SDK1: variants seen among roughly 807,000 people sequenced by gnomAD.
SDK1 encodes sidekick cell adhesion molecule 1.
A neutral mutation model predicts 245.5 loss-of-function variants in SDK1; 157 were observed. The observed-to-expected ratio is 0.64, with a 90% CI of 0.56 to 0.73. The LOEUF is 0.73. Ranked by LOEUF, SDK1 falls within the 30% of genes least tolerant of loss-of-function variation. The pLI is 0.00. For synonymous variants in SDK1, 1,647 were observed against 1,278.5 expected, an observed-to-expected ratio of 1.29 and a Z score of -6.15; for missense variants, 3,583 against 3,002.3, an observed-to-expected ratio of 1.19 and a Z score of -4.52.
At chr7:4,166,985 C>T (rs776126048) in intron 32 of SDK1, among the ~76,000 whole-genome samples, 2 of 152,192 alleles carry the variant, frequency 1.3e-5, no homozygotes, top group Non-Finnish European at 2.9e-5. Flanking sequence ...GGCCTTCCCT[C>T]CACTCAACTC....
Position 4,012,226 on chromosome 7 carries a change from A to C in SDK1, c.2411A>C (p.Tyr804Ser). ...ETEHNGVLRGYILRYRLAGLP... is the reference protein window; with the variant it reads ...ETEHNGVLRGSILRYRLAGLP... ...GAGCACAACGGGGTGTTGCGTGGATACATCCTCAGGCAAGTGCCCTGTGAT... is the reference window on the plus strand; with the variant it reads ...GAGCACAACGGGGTGTTGCGTGGATCCATCCTCAGGCAAGTGCCCTGTGAT... Residue 804 changes from tyrosine (Y) to serine (S), a missense_variant, in exon 16 of 45, where the codon TAC becomes TCC. By Grantham distance (144) the Tyr-to-Ser change is moderately radical. Coordinates refer to ENST00000404826, the MANE Select transcript of SDK1 (RefSeq NM_152744.4). 1 of 1,516,978 alleles carries C rather than the reference A, an allele frequency of 6.6e-7. No individual in the cohort carries two copies. 94.0% of individuals were successfully genotyped at this position (1,516,978 alleles called of 1,614,324 possible).
chr7:4,179,580 A>G (rs558681543), intron 35 of SDK1, among the ~76,000 whole-genome samples: 1 of 152,240 alleles, frequency 6.6e-6, no homozygotes, highest in South Asian at 2.1e-4. Context: ...GGAGAGAGGC[A>G]TCAAGAGCAT....
At chr7:4,143,782 C>T (rs1057282048) in intron 28 of SDK1, among the ~76,000 whole-genome samples, 4 of 152,200 alleles carry the variant, frequency 2.6e-5, no homozygotes, top group Non-Finnish European at 4.4e-5. Context: ...GGCTCCAGCC[C>T]GACTCTCTCG....
rs1248656734 is a variant in SDK1 at position 3,813,560 on chromosome 7, C to T, written c.714-7890C>T. Among the ~76,000 whole-genome samples the T allele has an allele frequency of 7.3e-5, 11 of 150,404 alleles. No homozygotes were observed. In the South Asian group the frequency reaches 1.3e-3, roughly 17 times the overall value. ...AAGTCTTTGCTATTGTGAATAATGCCGCAGTAAACATACATGTGCATGTGT... is the reference window on the plus strand; with the variant it reads ...AAGTCTTTGCTATTGTGAATAATGCTGCAGTAAACATACATGTGCATGTGT... On this transcript the variant is annotated intron_variant, in intron 4 of 44. Transcript: ENST00000404826.
At chr7:3,442,042 G>A (rs1168374548) in intron 1 of SDK1, among the ~76,000 whole-genome samples, 1 of 152,120 alleles carries the variant, frequency 6.6e-6, no homozygotes, top group African/African-American at 2.4e-5. Context: ...ACCGTTACGT[G>A]TACTCACCTA....
chr7:3,474,502 G>T (rs923063478), intron 1 of SDK1, among the ~76,000 whole-genome samples: 2 of 151,998 alleles, frequency 1.3e-5, no homozygotes, highest in African/African-American at 4.8e-5. Flanking sequence ...CCCTTGACAT[G>T]TTCATTGTTC....
At chr7:3,458,925 C>G (rs142419819) in intron 1 of SDK1, among the ~76,000 whole-genome samples, 6 of 152,106 alleles carry the variant, frequency 3.9e-5, no homozygotes, top group Non-Finnish European at 7.4e-5. Flanking sequence ...ATTCATTGTT[C>G]AGGATTGTCT....
intron 17 of SDK1, among the ~76,000 whole-genome samples, chr7:4,018,915 G>T (rs1411655964): frequency 6.6e-6 from 1 of 152,198 alleles, no homozygotes; most frequent in East Asian, 1.9e-4. Context: ...GAATTGATGA[G>T]TGTCCTCTAG....
intron 29 of SDK1, among the ~76,000 whole-genome samples, chr7:4,148,943 C>A (rs909582916): frequency 1.4e-4 from 22 of 152,210 alleles, no homozygotes; most frequent in African/African-American, 5.3e-4. Flanking sequence ...GTAGTCCCAG[C>A]TACTCAGGAA....
intron 5 of SDK1, among the ~76,000 whole-genome samples, chr7:3,833,890 TC>T (rs1779971408): frequency 6.6e-6 from 1 of 152,224 alleles, no homozygotes; most frequent in Non-Finnish European, 1.5e-5. Context: ...TGGATCCTAT[TC>T]ACCTCTTCAG....
chr7:4,221,220 TTTC>T lies in SDK1; in HGVS notation c.5702-13_5702-11del, dbSNP rs1392682764. 5 of 1,611,938 alleles carry T rather than the reference TTTC, an allele frequency of 3.1e-6. No individual in the cohort carries two copies. The Middle Eastern group carries it at 6.6e-4, about 214-fold the overall frequency. ...CGCAGGGCTGATGCCTCACCTCTCT[TTTC>T]TTCTTTATCCCGCAGGATCCCCGGG... On this transcript the variant is annotated splice_polypyrimidine_tract_variant and intron_variant, in intron 39 of 44. Transcript: ENST00000404826.
intron 4 of SDK1, among the ~76,000 whole-genome samples, chr7:3,779,052 G>A (rs955747841): frequency 6.6e-6 from 1 of 152,114 alleles, no homozygotes; most frequent in Non-Finnish European, 1.5e-5. Context: ...ATTAACAAAG[G>A]CAGTATTAAA....
At chr7:3,809,116 C>T (rs1159969226) in intron 4 of SDK1, among the ~76,000 whole-genome samples, 1 of 152,074 alleles carries the variant, frequency 6.6e-6, no homozygotes, top group African/African-American at 2.4e-5. Flanking sequence ...GTGGCATCTG[C>T]ACCTGGGGAG....
chr7:3,607,981 A>G (rs796533054), intron 1 of SDK1, among the ~76,000 whole-genome samples: 1 of 152,244 alleles, frequency 6.6e-6, no homozygotes, highest in Non-Finnish European at 1.5e-5. Flanking sequence ...TCATTTCATC[A>G]GAATAGACCT....
At chr7:3,961,395 T>A (rs1156922082) in intron 8 of SDK1, among the ~76,000 whole-genome samples, 1 of 152,230 alleles carries the variant, frequency 6.6e-6, no homozygotes, top group Non-Finnish European at 1.5e-5. Flanking sequence ...TTAACTTTAT[T>A]TATTAAAGTC....
intron 1 of SDK1, among the ~76,000 whole-genome samples, chr7:3,516,900 G>A (rs1293291314): frequency 6.6e-6 from 1 of 152,146 alleles, no homozygotes; most frequent in African/African-American, 2.4e-5. Context: ...CTCATTTCAA[G>A]GGTATTAAGT....
intron 4 of SDK1, among the ~76,000 whole-genome samples, chr7:3,710,961 C>G (rs1250715043): frequency 6.6e-6 from 1 of 152,150 alleles, no homozygotes; most frequent in African/African-American, 2.4e-5. Flanking sequence ...TATTTGAAAG[C>G]TTTTCTTTAC....
Position 3,509,067 on chromosome 7 carries a change from GGT to G in SDK1, c.299-109997_299-109996del, listed in dbSNP as rs911519846. On this transcript the variant is annotated intron_variant, in intron 1 of 44. Coordinates refer to ENST00000404826, the MANE Select transcript of SDK1 (RefSeq NM_152744.4). Reference sequence around the variant, plus strand: ...TATCAGGGCAGCCTAAGGAAGGTGGGGTGTGTGTGTGTGTGTGCGTGTGTGTG... The same window carrying G: ...TATCAGGGCAGCCTAAGGAAGGTGGGGTGTGTGTGTGTGTGCGTGTGTGTG... Among the ~76,000 whole-genome samples, 201 of 143,466 alleles carry G rather than the reference GGT, an allele frequency of 1.4e-3. 1 individual carries two copies. Among genetic ancestry groups the G allele is most frequent in the Non-Finnish European group, 4.8e-4 (32 of 66,124 alleles). The allele number at this position is 143,466 out of a possible 152,430, so 94.1% of individuals were successfully genotyped here. A position where few individuals can be genotyped will look rare whatever the true frequency, so the allele number is the denominator to read the frequency against.
At chr7:3,381,524 T>G (rs1157033726) in intron 1 of SDK1, among the ~76,000 whole-genome samples, 2 of 151,940 alleles carry the variant, frequency 1.3e-5, no homozygotes, top group Non-Finnish European at 2.9e-5. Flanking sequence ...TGAGGGAGAC[T>G]GGGGCTCAAG....
Sources: allele counts gnomAD v4.1 joint callset (sites outside exome capture counted in the v4.1 genomes callset), GRCh38; gene constraint gnomAD v4.1.1; transcripts MANE v1.5; gene names NCBI Gene and HGNC (gene_info 2026-07-23, HGNC 2026-07-21).